CHIC2: variants seen among roughly 807,000 people sequenced by gnomAD.
CHIC2 encodes the protein cysteine-rich hydrophobic domain-containing protein 2.
A neutral mutation model predicts 25.9 loss-of-function variants in CHIC2; 14 were observed. The observed-to-expected ratio is 0.54, with a 90% CI of 0.36 to 0.85. The LOEUF (loss-of-function observed/expected upper bound fraction) is 0.85, where lower values mean the gene tolerates loss of function less well. CHIC2 is among the 40% of genes least tolerant of loss of function. The pLI, the probability that CHIC2 is intolerant of heterozygous loss-of-function variation, is 0.01. For missense variants in CHIC2, 146 were observed against 202.0 expected (o/e 0.72, Z 1.68); for synonymous variants, 70 against 72.0 (o/e 0.97, Z 0.14).
the CHIC2 span, among the ~76,000 whole-genome samples, chr4:54,070,615 G>A: frequency 2.0e-5 from 3 of 151,992 alleles, no homozygotes; most frequent in African/African-American, 4.8e-5. Flanking sequence ...TAGAGACGGG[G>A]TTTCACCGTG....
At chr4:54,069,458 G>A (rs548078412), upstream of CHIC2, among the ~76,000 whole-genome samples, 4 of 152,242 alleles carry the variant, frequency 2.6e-5, no homozygotes, top group South Asian at 2.1e-4. Context: ...CCCAGCACAC[G>A]GATGAGTTCT....
chr4:54,065,252 C>A, upstream of CHIC2: 9 of 793,872 alleles, frequency 1.1e-5, no homozygotes, highest in South Asian at 5.8e-5. Flanking sequence ...TTTTTTTTTT[C>A]TTACAAGAAA....
intron 1 of CHIC2, among the ~76,000 whole-genome samples, chr4:54,051,213 T>C (rs182480715): frequency 3.9e-5 from 6 of 152,182 alleles, no homozygotes; most frequent in Non-Finnish European, 8.8e-5. Flanking sequence ...TCCTTCCTTA[T>C]TTGCCAGAAC....
At chr4:54,046,007 C>A (rs1716773228) in intron 3 of CHIC2, among the ~76,000 whole-genome samples, 1 of 151,934 alleles carries the variant, frequency 6.6e-6, no homozygotes, top group African/African-American at 2.4e-5. Context: ...ACACCAATAA[C>A]AGACAAACAG....
intron 3 of CHIC2, among the ~76,000 whole-genome samples, chr4:54,031,479 A>G (rs1194282240): frequency 6.6e-6 from 1 of 152,174 alleles, no homozygotes; most frequent in Non-Finnish European, 1.5e-5. Flanking sequence ...GCACTGTGAC[A>G]GCACTGAGGA....
intron 3 of CHIC2, among the ~76,000 whole-genome samples, chr4:54,042,900 T>A (rs2110079727): frequency 6.6e-6 from 1 of 152,366 alleles, no homozygotes; most frequent in South Asian, 2.1e-4. Context: ...GGAATATATC[T>A]TTTATTTTAT....
chr4:54,076,176 T>C, the CHIC2 span, among the ~76,000 whole-genome samples: 1 of 151,892 alleles, frequency 6.6e-6, no homozygotes, highest in Non-Finnish European at 1.5e-5. Flanking sequence ...GTAGTCCCAG[T>C]TATTTGGGGG....
the CHIC2 span, among the ~76,000 whole-genome samples, chr4:54,091,555 G>T: frequency 3.3e-5 from 5 of 152,120 alleles, no homozygotes; most frequent in African/African-American, 1.2e-4. Flanking sequence ...ACAGCTCCGC[G>T]CACAGGGATC....
intron 3 of CHIC2, among the ~76,000 whole-genome samples, chr4:54,018,865 A>C (rs1383169584): frequency 6.6e-6 from 1 of 152,028 alleles, no homozygotes; most frequent in Non-Finnish European, 1.5e-5. Context: ...GCAAAATTTC[A>C]AATGTTCAAT....
chr4:54,029,125 GAA>G (rs371108660), intron 3 of CHIC2, among the ~76,000 whole-genome samples: 2 of 84,542 alleles, frequency 2.4e-5, no homozygotes. Flanking sequence ...CCATCTCAAA[GAA>G]AAAAAAAAAA....
At chr4:54,083,838 A>G in the CHIC2 span, among the ~76,000 whole-genome samples, 1 of 152,126 alleles carries the variant, frequency 6.6e-6, no homozygotes, top group Non-Finnish European at 1.5e-5. Context: ...CATTCATCTT[A>G]CTACAGAGGC....
rs1400277994 is a variant in CHIC2, at chr4:54,034,572, A to ATTTTT, written c.330+14382_330+14383insAAAAA. 1.1e-3 allele frequency among the ~76,000 whole-genome samples: 167 copies of ATTTTT among 152,098 alleles called. 1 individual carries two copies. In the South Asian group the frequency reaches 0.019, roughly 18 times the overall value. ...ACCTAGCATTTTTATGCTACTTAAA[A>ATTTTT]ATTGTTTTTCATTTTAATTTTTTAT... On this transcript the variant is annotated intron_variant, in intron 3 of 5. Transcript: ENST00000263921.
At chr4:54,040,375 T>C (rs1468652688) in intron 3 of CHIC2, among the ~76,000 whole-genome samples, 1 of 152,122 alleles carries the variant, frequency 6.6e-6, no homozygotes, top group South Asian at 2.1e-4. Context: ...AAGATCAGCC[T>C]GGCCAAAATG....
At chr4:54,048,463 G>A (rs1716903659) in intron 3 of CHIC2, among the ~76,000 whole-genome samples, 1 of 151,772 alleles carries the variant, frequency 6.6e-6, no homozygotes, top group African/African-American at 2.4e-5. Flanking sequence ...TTCTTGTATG[G>A]GTACCATCTT....
chr4:54,042,496 T>A (rs982921386), intron 3 of CHIC2, among the ~76,000 whole-genome samples: 1 of 152,130 alleles, frequency 6.6e-6, no homozygotes, highest in Non-Finnish European at 1.5e-5. Flanking sequence ...ATTTAAAGGT[T>A]TAAAAAAAGG....
At chr4:54,016,704 T>C (rs1280263231) in intron 3 of CHIC2, among the ~76,000 whole-genome samples, 1 of 152,126 alleles carries the variant, frequency 6.6e-6, no homozygotes, top group Non-Finnish European at 1.5e-5. Flanking sequence ...GCAGCTTAAT[T>C]AATCATTGCA....
chr4:54,049,070 T>C lies in CHIC2; in HGVS notation c.215A>G (p.Asn72Ser). Residue 72 changes from asparagine (N) to serine (S), a missense_variant, in exon 3 of 6, where the codon AAC becomes AGC. Coordinates refer to ENST00000263921, the MANE Select transcript of CHIC2 (RefSeq NM_012110.4). ...AGGAAGGTTCTTCTTAAGACAACTG[T>C]TAACTCTGTTGATGCTGGCTTTAAA... ...EEFKASINRV[N>S]SCLKKNLPVN... 1 of 1,611,016 alleles carries C rather than the reference T, an allele frequency of 6.2e-7. No homozygotes were observed. The highest frequency in any genetic ancestry group is 8.5e-7 in the Non-Finnish European group (1 of 1,178,946).
intron 1 of CHIC2, chr4:54,060,110 A>T (rs768231738): frequency 7.2e-5 from 11 of 152,206 alleles, no homozygotes; most frequent in Non-Finnish European, 1.2e-4. Flanking sequence ...TGAAATACTG[A>T]CACATTTCAA....
the CHIC2 span, among the ~76,000 whole-genome samples, chr4:54,084,931 G>C: frequency 1.5e-5 from 2 of 132,716 alleles, no homozygotes; most frequent in African/African-American, 6.0e-5. Context: ...CTAAACTCCA[G>C]CCTGGGAGAC....
Sources: gnomAD v4.1 joint callset for allele counts (sites outside exome capture counted in the v4.1 genomes callset) on GRCh38, gnomAD v4.1.1 for gene constraint, MANE v1.5 for transcripts, NCBI Gene and HGNC (gene_info 2026-07-23, HGNC 2026-07-21) for gene names.